PVR: variants seen among roughly 807,000 people sequenced by gnomAD.
The protein encoded by PVR is PVR cell adhesion molecule, also known as poliovirus receptor.
Under a neutral mutation model 43.3 loss-of-function variants are expected in PVR, and 39 were observed. That is an observed-to-expected ratio of 0.90 (90% confidence interval 0.70 to 1.18). The LOEUF (loss-of-function observed/expected upper bound fraction) is 1.18. Ranked by LOEUF, PVR falls within the 50% of genes most tolerant of loss-of-function variation. The probability of loss-of-function intolerance (pLI) is 0.00; values close to 1 mark genes in which losing one functional copy is unlikely to be tolerated. For synonymous variants in PVR, 224 were observed against 233.2 expected (o/e 0.96, Z 0.36); for missense variants, 480 against 549.7 (o/e 0.87, Z 1.27).
At chr19:44,657,670 C>A in intron 4 of PVR, 92 bp from the exon 5 acceptor site, 3 of 1,332,202 alleles carry the variant, frequency 2.3e-6, no homozygotes, top group Non-Finnish European at 3.2e-6. Context: ...CTATAGAGGG[C>A]GTGAGGGTTT....
At chr19:44,650,213 C>G in intron 3 of PVR, 108 bp downstream of exon 3, 1 of 1,118,798 alleles carries the variant, frequency 8.9e-7, no homozygotes, top group Non-Finnish European at 1.2e-6. Flanking sequence ...TCATCTGCAC[C>G]GGCTCCCCTG....
Position 44,665,843 on chromosome 19 carries a change from G to A in PVR, c.*4032G>A, listed in dbSNP as rs1973702308. 6.6e-6 allele frequency: 1 copy of A among 152,332 alleles called. No homozygotes were observed. The highest frequency in any genetic ancestry group is 2.1e-4 in the South Asian group (1 of 4,820). 9.4% of individuals were successfully genotyped at this position (152,332 alleles called of 1,614,324 possible). A position where few individuals can be genotyped will look rare whatever the true frequency, so the allele number is the denominator to read the frequency against. ...CCCATCCCTACCTGGGTGAGCCTTT[G>A]TAGGAACGAGAAACCGCATCCAGCA... On this transcript the variant is annotated 3_prime_UTR_variant, in exon 8 of 8. Coordinates refer to ENST00000425690, the MANE Select transcript of PVR (RefSeq NM_006505.5).
rs1973651030 is a variant in PVR at position 44,664,083 on chromosome 19, A to T, written c.*2272A>T. 6.6e-6 allele frequency: 1 copy of T among 152,218 alleles called. No homozygotes were observed. 9.4% of individuals were successfully genotyped at this position (152,218 alleles called of 1,614,324 possible). A position where few individuals can be genotyped will look rare whatever the true frequency, so the allele number is the denominator to read the frequency against. On this transcript the variant is annotated 3_prime_UTR_variant, in exon 8 of 8. Coordinates refer to ENST00000425690, the MANE Select transcript of PVR (RefSeq NM_006505.5). ...CTGTGAATGTAATGAATGCCACTGA[A>T]TCATACACTCAAAAATAGCTAAAAT...
rs567374931 is a variant in PVR at position 44,643,990 on chromosome 19, AGGACCTGAGCTCCG to A, written c.-103_-90del. ...GGAGGAGCGGCCCCCCGGGGATTCCAGGACCTGAGCTCCGGGAGCTGGACTCGCAGCGACCGCGG... is the reference window on the plus strand; with the variant it reads ...GGAGGAGCGGCCCCCCGGGGATTCCAGGAGCTGGACTCGCAGCGACCGCGG... On this transcript the variant is annotated 5_prime_UTR_variant, in exon 1 of 8. Transcript: ENST00000425690. The A allele has an allele frequency of 5.1e-4, 452 of 890,044 alleles. No homozygotes were observed. In the African/African-American group the frequency reaches 7.1e-3, roughly 14 times the overall value. The allele number at this position is 890,044 out of a possible 1,614,324, so 55.1% of individuals were successfully genotyped here.
intron 1 of PVR, among the ~76,000 whole-genome samples, chr19:44,645,276 ATAT>A (rs1245824971): frequency 5.8e-4 from 64 of 109,632 alleles, no homozygotes; most frequent in African/African-American, 2.4e-3. Context: ...ATATATAATA[ATAT>A]ATTTCTTAAT....
At chr19:44,645,322 C>A (rs1438900170) in intron 1 of PVR, among the ~76,000 whole-genome samples, 1 of 110,754 alleles carries the variant, frequency 9.0e-6, no homozygotes, top group African/African-American at 3.7e-5. Context: ...ATATTTATAA[C>A]ATATATTATT....
chr19:44,652,891 A>T lies in PVR; in HGVS notation c.725-1009A>T, dbSNP rs558988796. Among the ~76,000 whole-genome samples, 54 of 152,254 alleles carry T rather than the reference A, an allele frequency of 3.5e-4. No homozygotes were observed. In the South Asian group the frequency reaches 0.011, roughly 30 times the overall value. On this transcript the variant is annotated intron_variant, in intron 3 of 7. Coordinates refer to ENST00000425690, the MANE Select transcript of PVR (RefSeq NM_006505.5). ...TATTTCAACTTGTAATTGTTTTTTTAAAATTATTCTTGAGATCTTTCCCAT... is the reference window on the plus strand; with the variant it reads ...TATTTCAACTTGTAATTGTTTTTTTTAAATTATTCTTGAGATCTTTCCCAT...
At chr19:44,648,531 A>C (rs375478476) in intron 2 of PVR, among the ~76,000 whole-genome samples, 1 of 151,208 alleles carries the variant, frequency 6.6e-6, no homozygotes, top group African/African-American at 2.4e-5. Context: ...CCCAGGCTGG[A>C]GTGCAGTGGT....
intron 3 of PVR, among the ~76,000 whole-genome samples, chr19:44,650,980 C>T (rs183048116): frequency 6.6e-6 from 1 of 152,256 alleles, no homozygotes; most frequent in Admixed American, 6.5e-5. Context: ...AGCAATCCTT[C>T]TCCCTCAGCC....
chr19:44,661,641 G>A, intron 7 of PVR, 99 bp from the exon 8 acceptor site: 2 of 1,077,546 alleles, frequency 1.9e-6, no homozygotes, highest in South Asian at 1.4e-5. Flanking sequence ...AGAGAGGAGG[G>A]GACGGGCCTG....
rs559239545 is a variant in PVR, at chr19:44,645,285, TTAA to T, written c.79+1114_79+1116del. Among the ~76,000 whole-genome samples the T allele has an allele frequency of 2.5e-3, 276 of 110,536 alleles. 9 individuals carry two copies. The highest frequency in any genetic ancestry group is 0.011 in the African/African-American group (260 of 23,514). 72.5% of individuals were successfully genotyped at this position (110,536 alleles called of 152,430 possible). A position where few individuals can be genotyped will look rare whatever the true frequency, so the allele number is the denominator to read the frequency against. ...TTGATAATATATAATAATATATTTC[TTAA>T]TAAATATATATTAAATATATTATAT... On this transcript the variant is annotated intron_variant, in intron 1 of 7. Coordinates refer to ENST00000425690, the MANE Select transcript of PVR (RefSeq NM_006505.5).
chr19:44,653,139 G>C (rs921607414), intron 3 of PVR, among the ~76,000 whole-genome samples: 2 of 152,046 alleles, frequency 1.3e-5, no homozygotes, highest in African/African-American at 4.8e-5. Context: ...GTATATGTGG[G>C]GGTGATCTCA....
Position 44,658,697 on chromosome 19 carries a change from C to T in PVR, c.992-45C>T, listed in dbSNP as rs116287630. 1.3e-3 allele frequency: 1,955 copies of T among 1,517,256 alleles called. 16 individuals are homozygous for T. In the African/African-American group the frequency reaches 0.023, roughly 18 times the overall value. The allele number at this position is 1,517,256 out of a possible 1,614,324, so 94.0% of individuals were successfully genotyped here. On this transcript the variant is annotated intron_variant, in intron 5 of 7. Transcript: ENST00000425690. ...TGCCATTTCAAGAATGAGGGATAAA[C>T]CCCAAGAGTTTCCTTACCTAAATAC...
At position 44,644,272 on chromosome 19, in the gene PVR, C is replaced by T. The variant is rs539469356; in HGVS notation, c.79+97C>T. Reference sequence around the variant, plus strand: ...CCCTTGGGTTCCCGAAGATGACGGCCCCGCCCGGCGCCACCCACCCCCCAT... The same window carrying T: ...CCCTTGGGTTCCCGAAGATGACGGCTCCGCCCGGCGCCACCCACCCCCCAT... On this transcript the variant is annotated intron_variant, in intron 1 of 7. Coordinates refer to ENST00000425690, the MANE Select transcript of PVR (RefSeq NM_006505.5). The T allele has an allele frequency of 2.2e-3, 2,023 of 940,182 alleles. 21 individuals carry two copies. The African/African-American group carries it at 0.032, about 15-fold the overall frequency. 58.2% of individuals were successfully genotyped at this position (940,182 alleles called of 1,614,324 possible).
intron 7 of PVR, 60 bp from the exon 8 acceptor site, chr19:44,661,680 G>A (rs763060333): frequency 7.4e-5 from 109 of 1,478,302 alleles, no homozygotes; most frequent in Admixed American, 1.4e-4. Context: ...GCTTCAGTGG[G>A]AAGATGTTTG....
chr19:44,647,106 C>T, intron 1 of PVR, 117 bp from the exon 2 acceptor site: 1 of 663,938 alleles, frequency 1.5e-6, no homozygotes, highest in Non-Finnish European at 2.4e-6. Flanking sequence ...CACGGTCCAC[C>T]GGGGATCCAG....
chr19:44,661,445 C>T (rs1318026536), intron 7 of PVR, 122 bp downstream of exon 7: 3 of 1,071,272 alleles, frequency 2.8e-6, no homozygotes, highest in Non-Finnish European at 4.2e-6. Context: ...CCTCGAGCAG[C>T]ATTTCCCAAC....
At chr19:44,645,780 G>C (rs1307605928) in intron 1 of PVR, among the ~76,000 whole-genome samples, 1 of 151,744 alleles carries the variant, frequency 6.6e-6, no homozygotes, top group Non-Finnish European at 1.5e-5. Flanking sequence ...GGGCAATATG[G>C]CAAGACCCCA....
intron 1 of PVR, among the ~76,000 whole-genome samples, chr19:44,645,415 G>GTGTATATATATATATATA (rs1255385112): frequency 4.8e-5 from 4 of 83,820 alleles, no homozygotes; most frequent in African/African-American, 2.3e-4. Flanking sequence ...TATGTTTTGT[G>GTGTATATATATATATATA]TATATATATA....
Sources: allele counts gnomAD v4.1 joint callset (sites outside exome capture counted in the v4.1 genomes callset), GRCh38; gene constraint gnomAD v4.1.1; transcripts MANE v1.5; gene names NCBI Gene and HGNC (gene_info 2026-07-23, HGNC 2026-07-21).